Variants in FGD5 observed in about 807,000 individuals in gnomAD.
FGD5 encodes the protein FYVE, RhoGEF and PH domain containing 5, also known as FYVE, RhoGEF and PH domain-containing protein 5.
A neutral mutation model predicts 133.4 loss-of-function variants in FGD5; 28 were observed. That is an observed-to-expected ratio of 0.21 (90% CI 0.16 to 0.29). The LOEUF is 0.29. Among genes scored for constraint, FGD5 ranks in the 10% least tolerant of loss-of-function variants. The pLI is 1.00. For missense variants in FGD5, 1,858 were observed against 1,895.2 expected, an observed-to-expected ratio of 0.98 and a Z score of 0.36; for synonymous variants, 810 against 776.5, an observed-to-expected ratio of 1.04 and a Z score of -0.72.
chr3:14,838,453 G>T (rs2036859748), intron 1 of FGD5, among the ~76,000 whole-genome samples: 1 of 152,116 alleles, frequency 6.6e-6, no homozygotes, highest in African/African-American at 2.4e-5. Context: ...CATTTTGAGG[G>T]CTTTGATTCT....
chr3:14,861,490 G>A (rs1477294434), intron 1 of FGD5, among the ~76,000 whole-genome samples: 1 of 152,198 alleles, frequency 6.6e-6, no homozygotes, highest in African/African-American at 2.4e-5. Context: ...TGCAGTGACA[G>A]GCCCAACTGC....
chr3:14,877,575 C>A (rs1251026958), intron 2 of FGD5, among the ~76,000 whole-genome samples: 1 of 152,200 alleles, frequency 6.6e-6, no homozygotes, highest in African/African-American at 2.4e-5. Flanking sequence ...GGCTCGCCCA[C>A]GGTCACACAG....
intron 2 of FGD5, among the ~76,000 whole-genome samples, chr3:14,867,576 G>A (rs1017878786): frequency 2.6e-5 from 4 of 152,262 alleles, no homozygotes; most frequent in African/African-American, 9.6e-5. Flanking sequence ...CCAAGAGGCT[G>A]TGACAGCAGA....
At position 14,922,954 on chromosome 3, in the gene FGD5, T is replaced by C; in HGVS notation, c.3808-92T>C. 3 of 1,564,146 alleles carry C rather than the reference T, an allele frequency of 1.9e-6. No individual in the cohort carries two copies. The highest frequency in any genetic ancestry group is 2.6e-6 in the Non-Finnish European group (3 of 1,143,478). The stretch of plus-strand genomic sequence containing the variant: ...ACCTGGGGCTCCCTAGGGGCAGTTG[T>C]GGGTGGATTAGCAGAGGGAGCGGAG... On this transcript the variant is annotated intron_variant, in intron 15 of 19. Transcript: ENST00000285046. The surrounding 1 kb of genome is among the most constrained non-coding windows in gnomAD (Gnocchi z 4.1).
At chr3:14,906,401 C>G (rs2038342318) in intron 9 of FGD5, among the ~76,000 whole-genome samples, 1 of 152,246 alleles carries the variant, frequency 6.6e-6, no homozygotes, top group African/African-American at 2.4e-5. Context: ...GGTTATCGCC[C>G]CCGTCCTAGG....
intron 2 of FGD5, among the ~76,000 whole-genome samples, chr3:14,871,369 A>G (rs1157687051): frequency 6.6e-6 from 1 of 152,246 alleles, no homozygotes; most frequent in African/African-American, 2.4e-5. Context: ...TCCTGCATTT[A>G]CATAAGAAAA....
Position 14,924,045 on chromosome 3 carries a change from C to G in FGD5, c.3975C>G (p.Pro1325=). 2 of 1,614,054 alleles carry G rather than the reference C, an allele frequency of 1.2e-6. No individual in the cohort carries two copies. Among genetic ancestry groups the G allele is most frequent in the Non-Finnish European group, 1.7e-6 (2 of 1,179,900 alleles). Residue 1325 remains proline (P), a synonymous_variant, in exon 17 of 20, where the codon CCC becomes CCG. Transcript: ENST00000285046. Reference sequence around the variant, plus strand: ...GCATGAGCTTCCCGCTGTCTTCACCCCGCTTCTCGGGCAGTGCCTTTTCAT... The same window carrying G: ...GCATGAGCTTCCCGCTGTCTTCACCGCGCTTCTCGGGCAGTGCCTTTTCAT... ...PVSMSFPLSS[P]RFSGSAFSSV...
intron 18 of FGD5, among the ~76,000 whole-genome samples, chr3:14,928,809 A>G (rs1191103285): frequency 6.6e-6 from 1 of 152,160 alleles, no homozygotes. Flanking sequence ...TACAATTAAC[A>G]TTTCCTACAT....
intron 1 of FGD5, among the ~76,000 whole-genome samples, chr3:14,855,260 T>G (rs777836918): frequency 5.9e-5 from 9 of 152,244 alleles, no homozygotes; most frequent in Non-Finnish European, 1.0e-4. Flanking sequence ...TCATCTGTTG[T>G]TGGATACCTA....
At chr3:14,854,388 T>TA (rs1559481099) in intron 1 of FGD5, among the ~76,000 whole-genome samples, 8 of 136,094 alleles carry the variant, frequency 5.9e-5, no homozygotes, top group East Asian at 2.2e-4. Flanking sequence ...GTTTCTTTTC[T>TA]TTTTATTTAT....
intron 1 of FGD5, among the ~76,000 whole-genome samples, chr3:14,857,633 G>C (rs1223445284): frequency 6.6e-6 from 1 of 152,170 alleles, no homozygotes; most frequent in Non-Finnish European, 1.5e-5. Flanking sequence ...AAGTTGTAAG[G>C]TACTGTAGAG....
At chr3:14,923,369 T>C in intron 16 of FGD5, 194 bp downstream of exon 16, 1 of 739,996 alleles carries the variant, frequency 1.4e-6, no homozygotes, top group Non-Finnish European at 2.1e-6. Flanking sequence ...TTGATCGGTG[T>C]CCCCAGAAGA....
chr3:14,829,342 G>C (rs895318833), intron 1 of FGD5, among the ~76,000 whole-genome samples: 9 of 152,148 alleles, frequency 5.9e-5, no homozygotes, highest in African/African-American at 2.2e-4. Context: ...CGTCGTGTGG[G>C]TGGTGCATTG....
intron 16 of FGD5, chr3:14,923,431 G>A (rs1266651765): frequency 2.0e-6 from 1 of 507,610 alleles, no homozygotes; most frequent in African/African-American, 1.9e-5. Context: ...TAAGGGGACA[G>A]AGGCAGGGAG....
chr3:14,901,354 G>A (rs1160142876), intron 9 of FGD5, among the ~76,000 whole-genome samples: 4 of 152,230 alleles, frequency 2.6e-5, no homozygotes, highest in Admixed American at 2.6e-4. Flanking sequence ...CCTAGTTCCT[G>A]GGCACACGTT....
intron 11 of FGD5, among the ~76,000 whole-genome samples, chr3:14,916,919 G>C (rs969838299): frequency 6.6e-6 from 1 of 152,218 alleles, no homozygotes; most frequent in African/African-American, 2.4e-5. Context: ...GTATTCTGTG[G>C]TATATGGATA....
intron 1 of FGD5, among the ~76,000 whole-genome samples, chr3:14,843,704 G>A (rs2342882): frequency 1.7e-5 from 1 of 57,732 alleles, no homozygotes; most frequent in Non-Finnish European, 3.6e-5. Context: ...TTTTTTTTTT[G>A]GGGGGAGACA....
chr3:14,928,723 C>G (rs752837406), intron 18 of FGD5, among the ~76,000 whole-genome samples: 4 of 152,100 alleles, frequency 2.6e-5, no homozygotes, highest in Non-Finnish European at 5.9e-5. Context: ...CCAGCCTGGG[C>G]AACAGAGCAA....
chr3:14,824,089 C>T (rs528273025), intron 1 of FGD5, among the ~76,000 whole-genome samples: 23 of 152,320 alleles, frequency 1.5e-4, no homozygotes, highest in African/African-American at 5.3e-4. Context: ...GATGCTATTT[C>T]GCCAAAGGCC....
Sources: gnomAD v4.1 joint callset for allele counts (sites outside exome capture counted in the v4.1 genomes callset) on GRCh38, gnomAD v4.1.1 for gene constraint, Gnocchi (gnomAD v3.1) non-coding constraint, MANE v1.5 for transcripts, NCBI Gene and HGNC (gene_info 2026-07-23, HGNC 2026-07-21) for gene names.